The following ADAM32 variants were observed in gnomAD, a reference collection of about 807,000 sequenced individuals.
The protein encoded by ADAM32 is ADAM metallopeptidase domain 32.
A neutral mutation model predicts 114.9 loss-of-function variants in ADAM32; 89 were observed. The observed-to-expected ratio is 0.77, with a 90% confidence interval of 0.65 to 0.92. The LOEUF is 0.92. Ranked by LOEUF, ADAM32 falls within the 40% of genes least tolerant of loss-of-function variation. ADAM32 has a pLI of 0.00. For missense variants in ADAM32, 870 were observed against 932.8 expected, an observed-to-expected ratio of 0.93 and a Z score of 0.88; for synonymous variants, 285 against 307.5, an observed-to-expected ratio of 0.93 and a Z score of 0.77.
At chr8:39,210,719 A>G (rs1040529763) in intron 11 of ADAM32, among the ~76,000 whole-genome samples, 3 of 152,250 alleles carry the variant, frequency 2.0e-5, no homozygotes, top group Non-Finnish European at 4.4e-5. Flanking sequence ...ACATAATAAT[A>G]TATAATTTTG....
intron 16 of ADAM32, among the ~76,000 whole-genome samples, chr8:39,240,566 A>G (rs778736836): frequency 1.3e-5 from 2 of 152,236 alleles, no homozygotes; most frequent in Non-Finnish European, 2.9e-5. Context: ...GGCAATTTAC[A>G]AAAGAAAGAG....
At chr8:39,224,165 T>G (rs536274716) in intron 14 of ADAM32, 12 of 152,326 alleles carry the variant, frequency 7.9e-5, no homozygotes, top group African/African-American at 2.2e-4. Context: ...CAGATTGTGC[T>G]ATACTTTTTC....
intron 6 of ADAM32, among the ~76,000 whole-genome samples, chr8:39,153,987 T>C (rs1451930785): frequency 6.8e-6 from 1 of 148,040 alleles, no homozygotes; most frequent in Non-Finnish European, 1.5e-5. Context: ...GGACAAGTGT[T>C]GGAGGAAAGA....
At chr8:39,208,707 G>A (rs1161838645) in intron 11 of ADAM32, among the ~76,000 whole-genome samples, 1 of 152,142 alleles carries the variant, frequency 6.6e-6, no homozygotes, top group East Asian at 1.9e-4. Context: ...CTTGGAATAT[G>A]TCATTCCAGT....
intron 12 of ADAM32, among the ~76,000 whole-genome samples, chr8:39,219,469 G>T (rs1291449537): frequency 6.6e-6 from 1 of 152,196 alleles, no homozygotes; most frequent in African/African-American, 2.4e-5. Flanking sequence ...GCTAGGGCTG[G>T]TTTATATGCC....
rs28503622 is a variant in ADAM32 at position 39,189,426 on chromosome 8, A to G, written c.1052+2381A>G. Among the ~76,000 whole-genome samples, 861 of 152,272 alleles carry G rather than the reference A, an allele frequency of 5.7e-3. 4 individuals are homozygous for G. Among genetic ancestry groups the G allele is most frequent in the African/African-American group, 0.019 (798 of 41,542 alleles). ...TATACTTAAGCGCTCCTTCCATTAT[A>G]TCATTTTTTTTGGGGTAAAACTGTG... On this transcript the variant is annotated intron_variant, in intron 11 of 24. Transcript: ENST00000379907.
chr8:39,150,770 A>G (rs1358287364), intron 5 of ADAM32, among the ~76,000 whole-genome samples: 1 of 152,192 alleles, frequency 6.6e-6, no homozygotes, highest in Non-Finnish European at 1.5e-5. Flanking sequence ...AAATAGTGAT[A>G]CAAGTCATTT....
In ADAM32 at chr8:39,118,085, G is replaced by T. The variant is rs757888584; in HGVS notation, c.59-1G>T. ...ACTTTTTTTTTTTTTTATCTCTTCA[G>T]GTTTTCAAAATTCACTTCTACAGAT... On this transcript the variant is annotated splice_acceptor_variant, in intron 1 of 24. Coordinates refer to ENST00000379907, the MANE Select transcript of ADAM32 (RefSeq NM_145004.7). LOFTEE classifies it high-confidence loss of function. The T allele has an allele frequency of 2.1e-6, 3 of 1,456,108 alleles. No individual in the cohort carries two copies. The highest frequency in any genetic ancestry group is 1.5e-5 in the African/African-American group (1 of 67,398). The allele number at this position is 1,456,108 out of a possible 1,614,324, so 90.2% of individuals were successfully genotyped here. A position where few individuals can be genotyped will look rare whatever the true frequency, so the allele number is the denominator to read the frequency against.
chr8:39,127,687 C>T (rs1357531023), intron 2 of ADAM32, among the ~76,000 whole-genome samples: 1 of 151,922 alleles, frequency 6.6e-6, no homozygotes, highest in African/African-American at 2.4e-5. Flanking sequence ...TTCAGTTCTG[C>T]CCTGATTTTG....
rs538599935 is a variant in ADAM32 at position 39,107,842 on chromosome 8, G to A, written c.58+9G>A. 7 of 1,538,764 alleles carry A rather than the reference G, an allele frequency of 4.5e-6. No individual in the cohort carries two copies. The East Asian group carries it at 1.7e-4, about 38-fold the overall frequency. On this transcript the variant is annotated intron_variant, in intron 1 of 24. Coordinates refer to ENST00000379907, the MANE Select transcript of ADAM32 (RefSeq NM_145004.7). ...CCTGGCGTCAAGACCCGGTGAGCCA[G>A]CCCAGACCCTGACACTAGTCCGGGC...
chr8:39,213,376 A>C (rs945601007), intron 12 of ADAM32, among the ~76,000 whole-genome samples: 6 of 151,632 alleles, frequency 4.0e-5, no homozygotes, highest in African/African-American at 7.2e-5. Flanking sequence ...GTATACAATA[A>C]ATTATTAACT....
intron 16 of ADAM32, among the ~76,000 whole-genome samples, chr8:39,240,279 A>G (rs974173792): frequency 2.6e-5 from 4 of 152,208 alleles, no homozygotes; most frequent in Admixed American, 6.5e-5. Flanking sequence ...AGAAACCCTC[A>G]AAACCATCCA....
At chr8:39,281,973 A>G (rs1048616156) in intron 23 of ADAM32, among the ~76,000 whole-genome samples, 1 of 152,214 alleles carries the variant, frequency 6.6e-6, no homozygotes, top group Non-Finnish European at 1.5e-5. Context: ...ATCCATTAGG[A>G]AAGCTACAGT....
chr8:39,183,423 A>G (rs992431632), intron 10 of ADAM32, among the ~76,000 whole-genome samples: 6 of 152,212 alleles, frequency 3.9e-5, no homozygotes, highest in African/African-American at 1.4e-4. Context: ...GGCCCAGAGT[A>G]ACTCTGCATG....
chr8:39,259,386 A>T (rs1390643770), intron 19 of ADAM32, among the ~76,000 whole-genome samples: 1 of 151,796 alleles, frequency 6.6e-6, no homozygotes, highest in African/African-American at 2.4e-5. Flanking sequence ...TTTTTAGTAG[A>T]GACTGGGTTT....
chr8:39,193,926 A>T (rs1806772634), intron 11 of ADAM32, among the ~76,000 whole-genome samples: 1 of 152,222 alleles, frequency 6.6e-6, no homozygotes, highest in Admixed American at 6.5e-5. Flanking sequence ...AGGTGGTGCC[A>T]GCCAAAGTGC....
At chr8:39,209,822 C>T (rs1426178127) in intron 11 of ADAM32, among the ~76,000 whole-genome samples, 1 of 152,130 alleles carries the variant, frequency 6.6e-6, no homozygotes, top group Non-Finnish European at 1.5e-5. Context: ...CTTCCTTTTT[C>T]TTCCCCTAGC....
intron 19 of ADAM32, among the ~76,000 whole-genome samples, chr8:39,269,943 C>A (rs899707004): frequency 2.0e-5 from 3 of 152,168 alleles, no homozygotes; most frequent in African/African-American, 7.2e-5. Flanking sequence ...AAGCAAGGCA[C>A]CTTCTTCACA....
rs970377823 is a variant in ADAM32, at chr8:39,110,304, C to G, written c.58+2471C>G. 2.0e-5 allele frequency among the ~76,000 whole-genome samples: 3 copies of G among 152,164 alleles called. No homozygotes were observed. The East Asian group carries it at 5.8e-4, about 29-fold the overall frequency. The stretch of plus-strand genomic sequence containing the variant: ...CAGGCTGGTTTCGAACTCCTGACTT[C>G]AAGTGATCCACCCACCTTGGCCTCC... On this transcript the variant is annotated intron_variant, in intron 1 of 24. Coordinates refer to ENST00000379907, the MANE Select transcript of ADAM32 (RefSeq NM_145004.7).
Sources: allele counts gnomAD v4.1 joint callset (sites outside exome capture counted in the v4.1 genomes callset), GRCh38; gene constraint gnomAD v4.1.1; transcripts MANE v1.5; gene names NCBI Gene and HGNC (gene_info 2026-07-23, HGNC 2026-07-21).